Variants in FITM2 observed in about 807,000 individuals in gnomAD.
FITM2 encodes fat storage inducing transmembrane protein 2.
In FITM2, 16 loss-of-function variants were observed where a neutral mutation model predicts 23.3. That is an observed-to-expected ratio of 0.69 (90% CI 0.47 to 1.05). The LOEUF (loss-of-function observed/expected upper bound fraction) is 1.05. Among genes scored for constraint, FITM2 ranks in the 50% least tolerant of loss-of-function variants. FITM2 has a pLI of 0.00. For synonymous variants in FITM2, 132 were observed against 142.0 expected, an observed-to-expected ratio of 0.93 and a Z score of 0.50; for missense variants, 273 against 327.5, an observed-to-expected ratio of 0.83 and a Z score of 1.29.
rs1174460211 is a variant in FITM2, at chr20:44,307,256, A to C, written c.174-16T>G. 3.1e-6 allele frequency: 5 copies of C among 1,611,680 alleles called. No individual in the cohort carries two copies. The highest frequency in any genetic ancestry group is 4.2e-6 in the Non-Finnish European group (5 of 1,178,220). On this transcript the variant is annotated splice_polypyrimidine_tract_variant and intron_variant, in intron 1 of 1. Coordinates refer to ENST00000396825, the MANE Select transcript of FITM2 (RefSeq NM_001080472.4). ...GACAAAATACCTGACAGAGGAGGAA[A>C]GTGGAAGTGAAGAGAGGGAACACGG...
In FITM2 at chr20:44,307,142, A is replaced by C. The variant is rs1278659077; in HGVS notation, c.272T>G (p.Leu91Arg). 5 of 1,614,216 alleles carry C rather than the reference A, an allele frequency of 3.1e-6. No homozygotes were observed. The highest frequency in any genetic ancestry group is 4.2e-6 in the Non-Finnish European group (5 of 1,180,028). ...YHLTGKAGLV[L>R]RRLSTLLVGT... is the part of the protein sequence containing the mutation. ...CACAAGCAGGGTGCTCAGCCGCCGC[A>C]GGACCAAGCCAGCCTTGCCGGTCAG... The change falls in exon 2 of 2, where the codon CTG (leucine) becomes CGG (arginine). Residue 91 changes from leucine to arginine, a missense_variant. This residue lies in a region of FITM2 where 123 missense variants were observed against 117.9 expected (regional missense o/e 1.04). Coordinates refer to ENST00000396825, the MANE Select transcript of FITM2 (RefSeq NM_001080472.4).
Position 44,306,698 on chromosome 20 carries a change from G to T in FITM2, c.716C>A (p.Pro239Gln). The T allele has an allele frequency of 6.2e-7, 1 of 1,614,036 alleles. No homozygotes were observed. The highest frequency in any genetic ancestry group is 1.1e-5 in the South Asian group (1 of 91,062). The change falls in exon 2 of 2, where the codon CCG (proline) becomes CAG (glutamine). Residue 239 changes from proline to glutamine, a missense_variant. This residue lies in a region of FITM2 where 33 missense variants were observed against 26.3 expected (regional missense o/e 1.25). Transcript: ENST00000396825. Reference sequence around the variant, plus strand: ...AGGAAGTCCTGGGGAAAAGGCTTTCGGATACCAAAACCCGTATGTCCCGTA... The same window carrying T: ...AGGAAGTCCTGGGGAAAAGGCTTTCTGATACCAAAACCCGTATGTCCCGTA... ...SWYGTYGFWYPKAFSPGLPPQ... is the reference protein window; with the variant it reads ...SWYGTYGFWYQKAFSPGLPPQ...
intron 1 of FITM2, 27 bp downstream of exon 1, chr20:44,310,949 G>A: frequency 5.2e-6 from 8 of 1,525,914 alleles, no homozygotes; most frequent in Non-Finnish European, 7.1e-6. Flanking sequence ...CTCGGGCGGG[G>A]ACAGCGGAGG....
At position 44,304,479 on chromosome 20, in the gene FITM2, A is replaced by C. The variant is rs1234341411; in HGVS notation, c.*2146T>G. The C allele has an allele frequency of 1.3e-5, 2 of 152,188 alleles. No homozygotes were observed. The highest frequency in any genetic ancestry group is 4.8e-5 in the African/African-American group (2 of 41,442). 9.4% of individuals were successfully genotyped at this position (152,188 alleles called of 1,614,324 possible). On this transcript the variant is annotated 3_prime_UTR_variant, in exon 2 of 2. Coordinates refer to ENST00000396825, the MANE Select transcript of FITM2 (RefSeq NM_001080472.4). ...CAGAATGACAAAGCTGGAAACTGAAAAGTGCTGCAAAGGGGAGAGAAAAAG... is the reference window on the plus strand; with the variant it reads ...CAGAATGACAAAGCTGGAAACTGAACAGTGCTGCAAAGGGGAGAGAAAAAG...
chr20:44,305,651 C>G lies in FITM2; in HGVS notation c.*974G>C, dbSNP rs1224555150. On this transcript the variant is annotated 3_prime_UTR_variant, in exon 2 of 2. Transcript: ENST00000396825. ...CAGCCTGACCAACATGGAGAAACCCCATCTCTACTAAAAATACAAAATTAG... is the reference window on the plus strand; with the variant it reads ...CAGCCTGACCAACATGGAGAAACCCGATCTCTACTAAAAATACAAAATTAG... 1 of 151,982 alleles carries G rather than the reference C, an allele frequency of 6.6e-6. No individual in the cohort carries two copies. Among genetic ancestry groups the G allele is most frequent in the Non-Finnish European group, 1.5e-5 (1 of 68,038 alleles). The allele number at this position is 151,982 out of a possible 1,614,324, so 9.4% of individuals were successfully genotyped here.
At chr20:44,310,290 G>C (rs146617203) in intron 1 of FITM2, among the ~76,000 whole-genome samples, 2 of 152,194 alleles carry the variant, frequency 1.3e-5, no homozygotes, top group African/African-American at 4.8e-5. Context: ...AAAAAAGCAA[G>C]TAAGCAAGCA....
rs375586401 is a variant in FITM2, at chr20:44,310,950, A to C, written c.173+26T>G. Reference sequence around the variant, plus strand: ...CGACAGCGGGCCGGCTCGGGCGGGGACAGCGGAGGACCGGGGTGCACTCAC... The same window carrying C: ...CGACAGCGGGCCGGCTCGGGCGGGGCCAGCGGAGGACCGGGGTGCACTCAC... On this transcript the variant is annotated intron_variant, in intron 1 of 1. Transcript: ENST00000396825. 2.4e-5 allele frequency: 36 copies of C among 1,524,776 alleles called. No homozygotes were observed. The African/African-American group carries it at 4.8e-4, about 20-fold the overall frequency. 94.5% of individuals were successfully genotyped at this position (1,524,776 alleles called of 1,614,324 possible). A position where few individuals can be genotyped will look rare whatever the true frequency, so the allele number is the denominator to read the frequency against.
chr20:44,308,155 CAG>C (rs1428841624), intron 1 of FITM2, among the ~76,000 whole-genome samples: 1 of 152,130 alleles, frequency 6.6e-6, no homozygotes, highest in Non-Finnish European at 1.5e-5. Flanking sequence ...CTGCCTTTAA[CAG>C]AGAAGAAAAC....
At chr20:44,308,278 T>C (rs1402500807) in intron 1 of FITM2, among the ~76,000 whole-genome samples, 1 of 152,202 alleles carries the variant, frequency 6.6e-6, no homozygotes, top group East Asian at 1.9e-4. Context: ...AGGAAAATAA[T>C]ATAAATAAAT....
intron 1 of FITM2, among the ~76,000 whole-genome samples, chr20:44,309,839 C>T (rs1490066383): frequency 2.6e-5 from 4 of 152,312 alleles, no homozygotes; most frequent in African/African-American, 7.2e-5. Flanking sequence ...GCCTTGTCCG[C>T]CTCCCCAGCG....
At chr20:44,308,016 G>A (rs2062695543) in intron 1 of FITM2, among the ~76,000 whole-genome samples, 1 of 152,114 alleles carries the variant, frequency 6.6e-6, no homozygotes, top group Admixed American at 6.5e-5. Context: ...GAACCCGGGA[G>A]GCGGAGCTTG....
At chr20:44,307,835 C>G (rs2062694930) in intron 1 of FITM2, among the ~76,000 whole-genome samples, 1 of 151,588 alleles carries the variant, frequency 6.6e-6, no homozygotes, top group Non-Finnish European at 1.5e-5. Flanking sequence ...CGCCTGTAAT[C>G]CCAGCAGTTT....
Position 44,307,225 on chromosome 20 carries a change from C to T in FITM2, c.189G>A (p.Val63=). ...GGAGACAGAACGTCCAGGCCCAGGC[C>T]ACTTTGACAAAATACCTGACAGAGG... ...RNVLNVYFVK[V]AWAWTFCLLL... Residue 63 remains valine (V), a synonymous_variant, in exon 2 of 2, where the codon GTG becomes GTA. Coordinates refer to ENST00000396825, the MANE Select transcript of FITM2 (RefSeq NM_001080472.4). 1 of 1,613,866 alleles carries T rather than the reference C, an allele frequency of 6.2e-7. No individual in the cohort carries two copies. The highest frequency in any genetic ancestry group is 8.5e-7 in the Non-Finnish European group (1 of 1,179,820).
rs1452310399 is a variant in FITM2 at position 44,306,567 on chromosome 20, A to AT, written c.*57_*58insA. 2 of 1,572,022 alleles carry AT rather than the reference A, an allele frequency of 1.3e-6. No homozygotes were observed. The highest frequency in any genetic ancestry group is 4.5e-5 in the East Asian group (2 of 44,500). On this transcript the variant is annotated 3_prime_UTR_variant, in exon 2 of 2. Coordinates refer to ENST00000396825, the MANE Select transcript of FITM2 (RefSeq NM_001080472.4). ...ATAATTTAGCCAAATAACTAAGCAAAATATATATTTGAAAAATAGATTAGC... is the reference window on the plus strand; with the variant it reads ...ATAATTTAGCCAAATAACTAAGCAAATATATATATTTGAAAAATAGATTAGC...
Position 44,306,605 on chromosome 20 carries a change from G to C in FITM2, c.*20C>G, listed in dbSNP as rs2146089340. On this transcript the variant is annotated 3_prime_UTR_variant, in exon 2 of 2. Transcript: ENST00000396825. The stretch of plus-strand genomic sequence containing the variant: ...AAAATAGATTAGCCATTGTCCTTCT[G>C]TCCCCCCTCTGTTACTCTTTTATTT... The C allele has an allele frequency of 6.2e-7, 1 of 1,606,998 alleles. No homozygotes were observed. Among genetic ancestry groups the C allele is most frequent in the Non-Finnish European group, 8.5e-7 (1 of 1,175,378 alleles).
Position 44,305,011 on chromosome 20 carries a change from C to T in FITM2, c.*1614G>A. ...GTGCCAGGATTATAGGTGTGAGCCA[C>T]TACACCTGGCCCAGGTTTCATTGCT... On this transcript the variant is annotated 3_prime_UTR_variant, in exon 2 of 2. Coordinates refer to ENST00000396825, the MANE Select transcript of FITM2 (RefSeq NM_001080472.4). 6.6e-6 allele frequency: 1 copy of T among 152,182 alleles called. No individual in the cohort carries two copies. The highest frequency in any genetic ancestry group is 2.1e-4 in the South Asian group (1 of 4,836). 9.4% of individuals were successfully genotyped at this position (152,182 alleles called of 1,614,324 possible).
chr20:44,306,812 A>T lies in FITM2; in HGVS notation c.602T>A (p.Ile201Asn). 6.2e-7 allele frequency: 1 copy of T among 1,614,202 alleles called. No homozygotes were observed. The highest frequency in any genetic ancestry group is 8.5e-7 in the Non-Finnish European group (1 of 1,180,036). The change falls in exon 2 of 2, where the codon ATC becomes AAC. Residue 201 changes from isoleucine (I) to asparagine (N), a missense_variant. Physicochemically the swap from Ile to Asn is moderately radical, Grantham distance 149. Around this residue, in one of 3 missense-constraint regions of FITM2, gnomAD observed 117 missense variants for 183.3 expected, o/e 0.64. Coordinates refer to ENST00000396825, the MANE Select transcript of FITM2 (RefSeq NM_001080472.4). ...TGTGCACAGAAACATCAACACCCAG[A>T]TGAAAGTCAGAATGCCCAGGGCCAC... The part of the protein sequence containing the change: ...LVVALGILTF[I>N]WVLMFLCTAV...
chr20:44,306,793 C>A lies in FITM2; in HGVS notation c.621G>T (p.Leu207=). Residue 207 remains leucine, a synonymous_variant, in exon 2 of 2, where the codon CTG becomes CTT. Coordinates refer to ENST00000396825, the MANE Select transcript of FITM2 (RefSeq NM_001080472.4). The part of the protein sequence containing the change: ...ILTFIWVLMF[L]CTAVYFHNLS... Reference sequence around the variant, plus strand: ...AGTTGTGGAAATAAACAGCTGTGCACAGAAACATCAACACCCAGATGAAAG... The same window carrying A: ...AGTTGTGGAAATAAACAGCTGTGCAAAGAAACATCAACACCCAGATGAAAG... The A allele has an allele frequency of 6.2e-7, 1 of 1,614,130 alleles. No homozygotes were observed. Among genetic ancestry groups the A allele is most frequent in the Non-Finnish European group, 8.5e-7 (1 of 1,180,034 alleles).
Position 44,305,228 on chromosome 20 carries a change from A to C in FITM2, c.*1397T>G, listed in dbSNP as rs1008055101. 1 of 152,220 alleles carries C rather than the reference A, an allele frequency of 6.6e-6. No homozygotes were observed. The highest frequency in any genetic ancestry group is 2.4e-5 in the African/African-American group (1 of 41,462). 9.4% of individuals were successfully genotyped at this position (152,220 alleles called of 1,614,324 possible). On this transcript the variant is annotated 3_prime_UTR_variant, in exon 2 of 2. Coordinates refer to ENST00000396825, the MANE Select transcript of FITM2 (RefSeq NM_001080472.4). ...GTGAGTTATTTTCAGGAGTTTTATC[A>C]ACAAAGAACAAATGTCACAGTTCTT... is the stretch of plus-strand genomic sequence containing the variant.
Sources: gnomAD v4.1 joint callset for allele counts (sites outside exome capture counted in the v4.1 genomes callset) on GRCh38, gnomAD v4.1.1 for gene constraint, gnomAD v4.1.1 regional missense constraint, MANE v1.5 for transcripts, NCBI Gene and HGNC (gene_info 2026-07-23, HGNC 2026-07-21) for gene names.